Variants in ADGRL3 observed in about 807,000 individuals in gnomAD.
The protein encoded by ADGRL3 is calcium-independent alpha-latrotoxin receptor 3.
A neutral mutation model predicts 153.5 loss-of-function variants in ADGRL3; 62 were observed. The observed-to-expected ratio is 0.40, with a 90% confidence interval of 0.33 to 0.50. The LOEUF (loss-of-function observed/expected upper bound fraction) is 0.50. Ranked by LOEUF, ADGRL3 falls within the 20% of genes least tolerant of loss-of-function variation. The pLI is 0.47. For synonymous variants in ADGRL3, 710 were observed against 672.5 expected (o/e 1.06, Z -0.86); for missense variants, 1,641 against 1,859.4 (o/e 0.88, Z 2.16).
intron 6 of ADGRL3, chr4:61,677,335 TA>T: frequency 2.7e-6 from 1 of 373,904 alleles, no homozygotes; most frequent in Non-Finnish European, 5.1e-6. Context: ...GAATTGTATC[TA>T]AGCTTCATCT....
intron 6 of ADGRL3, among the ~76,000 whole-genome samples, chr4:61,686,055 A>T (rs1398391815): frequency 6.6e-6 from 1 of 151,752 alleles, no homozygotes; most frequent in African/African-American, 2.4e-5. Context: ...TTAGGAAGTA[A>T]AACTTTATTA....
At chr4:61,990,715 A>G (rs1452654974) in intron 19 of ADGRL3, among the ~76,000 whole-genome samples, 1 of 151,942 alleles carries the variant, frequency 6.6e-6, no homozygotes, top group East Asian at 1.9e-4. Flanking sequence ...CTACTCATTG[A>G]GAATTTATAA....
chr4:61,827,779 G>A (rs1041688610), intron 9 of ADGRL3, among the ~76,000 whole-genome samples: 4 of 152,104 alleles, frequency 2.6e-5, no homozygotes, highest in Non-Finnish European at 2.9e-5. Context: ...GTGGATTTTG[G>A]TACTGTTCTG....
intron 1 of ADGRL3, among the ~76,000 whole-genome samples, chr4:61,344,184 C>T (rs2095856378): frequency 6.6e-6 from 1 of 152,176 alleles, no homozygotes; most frequent in Non-Finnish European, 1.5e-5. Flanking sequence ...ATTCCTTATT[C>T]CATTGACGTT....
intron 6 of ADGRL3, among the ~76,000 whole-genome samples, chr4:61,704,508 CTGG>C (rs2095823105): frequency 6.6e-6 from 1 of 152,074 alleles, no homozygotes; most frequent in Non-Finnish European, 1.5e-5. Flanking sequence ...AATCTTTTTG[CTGG>C]TGGAAGCTCT....
chr4:62,037,593 TGC>T (rs1725780390), intron 23 of ADGRL3, 136 bp from the exon 24 acceptor site: 2 of 959,896 alleles, frequency 2.1e-6, no homozygotes, highest in African/African-American at 1.6e-5. Flanking sequence ...GTAAAATATA[TGC>T]TGAACAGACT....
intron 1 of ADGRL3, among the ~76,000 whole-genome samples, chr4:61,246,483 T>G (rs1483036755): frequency 1.3e-5 from 2 of 152,066 alleles, no homozygotes; most frequent in Non-Finnish European, 2.9e-5. Context: ...GGAGTTATTT[T>G]TGTATACCCA....
At chr4:61,410,920 T>A (rs1316826325) in intron 2 of ADGRL3, among the ~76,000 whole-genome samples, 1 of 152,112 alleles carries the variant, frequency 6.6e-6, no homozygotes, top group Non-Finnish European at 1.5e-5. Context: ...TGAGAACCCA[T>A]CCTATGGAGG....
At chr4:61,702,602 C>T (rs374569772) in intron 6 of ADGRL3, among the ~76,000 whole-genome samples, 3 of 152,014 alleles carry the variant, frequency 2.0e-5, no homozygotes, top group Non-Finnish European at 2.9e-5. Flanking sequence ...TATTTTTATG[C>T]CTTTGATTTC....
At position 61,918,626 on chromosome 4, in the gene ADGRL3, A is replaced by G. The variant is rs1414963155; in HGVS notation, c.2112+5869A>G. 7.2e-5 allele frequency among the ~76,000 whole-genome samples: 11 copies of G among 152,178 alleles called. No homozygotes were observed. The East Asian group carries it at 2.1e-3, about 29-fold the overall frequency. ...CTTAAGGAATGAGGAGCACCAGGAG[A>G]GCATGGTATCCTGGAAATCAACTGA... On this transcript the variant is annotated intron_variant, in intron 13 of 26. Coordinates refer to ENST00000683033, the MANE Select transcript of ADGRL3 (RefSeq NM_001387552.1).
intron 6 of ADGRL3, among the ~76,000 whole-genome samples, chr4:61,712,874 C>T (rs2096025552): frequency 6.6e-6 from 1 of 152,118 alleles, no homozygotes; most frequent in Non-Finnish European, 1.5e-5. Context: ...TGCATTTCTG[C>T]ATTGAAATGT....
intron 3 of ADGRL3, among the ~76,000 whole-genome samples, chr4:61,516,172 G>T (rs1437489020): frequency 6.6e-6 from 1 of 151,786 alleles, no homozygotes; most frequent in Admixed American, 6.6e-5. Context: ...GTTTTGGGAG[G>T]GATATGTTTT....
chr4:61,310,115 G>C lies in ADGRL3; in HGVS notation c.-239-73009G>C, dbSNP rs568037080. On this transcript the variant is annotated intron_variant, in intron 1 of 26. Coordinates refer to ENST00000683033, the MANE Select transcript of ADGRL3 (RefSeq NM_001387552.1). Reference sequence around the variant, plus strand: ...AAAGTCATGAGAAGGTTAAGATCTAGAAGACATTCCAGATAGTCTCTCTTG... The same window carrying C: ...AAAGTCATGAGAAGGTTAAGATCTACAAGACATTCCAGATAGTCTCTCTTG... Among the ~76,000 whole-genome samples, 3 of 151,398 alleles carry C rather than the reference G, an allele frequency of 2.0e-5. No homozygotes were observed. The East Asian group carries it at 5.9e-4, about 30-fold the overall frequency.
chr4:61,410,471 A>C (rs2097072426), intron 2 of ADGRL3, among the ~76,000 whole-genome samples: 1 of 152,146 alleles, frequency 6.6e-6, no homozygotes, highest in African/African-American at 2.4e-5. Context: ...CTCTTATATA[A>C]CCACACAACA....
intron 9 of ADGRL3, among the ~76,000 whole-genome samples, chr4:61,853,638 T>G (rs532962596): frequency 1.3e-5 from 2 of 152,314 alleles, no homozygotes; most frequent in South Asian, 4.1e-4. Flanking sequence ...CCTGCTTGTG[T>G]TTGTGTCCTC....
intron 1 of ADGRL3, among the ~76,000 whole-genome samples, chr4:61,248,033 G>A (rs554219862): frequency 6.6e-6 from 1 of 152,032 alleles, no homozygotes; most frequent in Non-Finnish European, 1.5e-5. Flanking sequence ...ATTTACTCTA[G>A]ATATCCCTGT....
intron 2 of ADGRL3, among the ~76,000 whole-genome samples, chr4:61,405,215 T>A (rs988563027): frequency 6.6e-6 from 1 of 152,004 alleles, no homozygotes; most frequent in Non-Finnish European, 1.5e-5. Flanking sequence ...AAAAACTAAC[T>A]GATTTTACAC....
chr4:61,642,105 A>C (rs1429529590), intron 5 of ADGRL3, among the ~76,000 whole-genome samples: 1 of 147,762 alleles, frequency 6.8e-6, no homozygotes, highest in African/African-American at 2.5e-5. Context: ...GTGTCTGTTC[A>C]TGTCCTTTGC....
intron 4 of ADGRL3, among the ~76,000 whole-genome samples, chr4:61,536,278 T>C (rs2098655445): frequency 6.6e-6 from 1 of 152,054 alleles, no homozygotes; most frequent in Admixed American, 6.6e-5. Context: ...TTCGAGTTTA[T>C]TGAGACGTGC....
Sources: gnomAD v4.1 joint callset for allele counts (sites outside exome capture counted in the v4.1 genomes callset) on GRCh38, gnomAD v4.1.1 for gene constraint, MANE v1.5 for transcripts, NCBI Gene and HGNC (gene_info 2026-07-23, HGNC 2026-07-21) for gene names.